DMRTA1: variants seen among roughly 807,000 people sequenced by gnomAD.
The protein encoded by DMRTA1 is doublesex- and mab-3-related transcription factor A1.
Under a neutral mutation model 35.2 loss-of-function variants are expected in DMRTA1, and 34 were observed. The observed-to-expected ratio is 0.97, with a 90% CI of 0.74 to 1.29. DMRTA1 has a LOEUF of 1.29. Among genes scored for constraint, DMRTA1 ranks in the 50% most tolerant of loss-of-function variants. DMRTA1 has a pLI of 0.00. For synonymous variants in DMRTA1, 344 were observed against 276.6 expected (o/e 1.24, Z -2.42); for missense variants, 824 against 644.6 (o/e 1.28, Z -3.01).
Position 22,447,242 on chromosome 9 carries a change from C to G in DMRTA1, c.177C>G (p.Ala59=), listed in dbSNP as rs763183946. The G allele has an allele frequency of 2.7e-6, 4 of 1,508,116 alleles. No homozygotes were observed. Among genetic ancestry groups the G allele is most frequent in the Non-Finnish European group, 2.6e-6 (3 of 1,136,064 alleles). 93.4% of individuals were successfully genotyped at this position (1,508,116 alleles called of 1,614,324 possible). ...RPPSLFLRAA[A]AAAAAAAATS... ...CCAGCCTCTTTCTGCGAGCAGCGGCCGCGGCCGCCGCCGCCGCTGCCGCCA... is the reference window on the plus strand; with the variant it reads ...CCAGCCTCTTTCTGCGAGCAGCGGCGGCGGCCGCCGCCGCCGCTGCCGCCA... The change falls in exon 1 of 2, where the codon GCC becomes GCG. Residue 59 remains alanine, a synonymous_variant. Coordinates refer to ENST00000325870, the MANE Select transcript of DMRTA1 (RefSeq NM_022160.3).
chr9:22,446,914 C>G lies in DMRTA1; in HGVS notation c.-152C>G. 1.0e-6 allele frequency: 1 copy of G among 975,350 alleles called. No homozygotes were observed. The highest frequency in any genetic ancestry group is 1.5e-6 in the Non-Finnish European group (1 of 677,344). 60.4% of individuals were successfully genotyped at this position (975,350 alleles called of 1,614,324 possible). A position where few individuals can be genotyped will look rare whatever the true frequency, so the allele number is the denominator to read the frequency against. On this transcript the variant is annotated 5_prime_UTR_variant, in exon 1 of 2. Transcript: ENST00000325870. ...AGGACGCGGTCGTCCCAACTCCTTC[C>G]GAGTGGAAAGAGTGTAAAACTTTTG...
At chr9:22,447,804 C>A in intron 1 of DMRTA1, 72 bp downstream of exon 1, 2 of 1,572,986 alleles carry the variant, frequency 1.3e-6, no homozygotes, top group South Asian at 1.1e-5. Context: ...AACAAGCCAC[C>A]GTGTCCATAG....
rs1818842007 is a variant in DMRTA1, at chr9:22,447,141, G to T, written c.76G>T (p.Ala26Ser). The T allele has an allele frequency of 6.2e-7, 1 of 1,603,796 alleles. No individual in the cohort carries two copies. Among genetic ancestry groups the T allele is most frequent in the South Asian group, 1.1e-5 (1 of 90,448 alleles). The part of the protein sequence containing the change: ...RPHLAPGLVV[A>S]APPPPSPALP... Reference sequence around the variant, plus strand: ...TCACTTGGCCCCTGGGCTAGTGGTGGCTGCCCCTCCGCCCCCGTCCCCGGC... The same window carrying T: ...TCACTTGGCCCCTGGGCTAGTGGTGTCTGCCCCTCCGCCCCCGTCCCCGGC... The change falls in exon 1 of 2, where the codon GCT becomes TCT. Residue 26 changes from alanine to serine, a missense_variant. By Grantham distance (99) the Ala-to-Ser change is moderately conservative. Coordinates refer to ENST00000325870, the MANE Select transcript of DMRTA1 (RefSeq NM_022160.3).
In DMRTA1 at chr9:22,452,018, G is replaced by T; in HGVS notation, c.*107G>T. The T allele has an allele frequency of 2.5e-6, 3 of 1,204,012 alleles. No individual in the cohort carries two copies. The highest frequency in any genetic ancestry group is 3.3e-6 in the Non-Finnish European group (3 of 911,948). The allele number at this position is 1,204,012 out of a possible 1,614,324, so 74.6% of individuals were successfully genotyped here. A position where few individuals can be genotyped will look rare whatever the true frequency, so the allele number is the denominator to read the frequency against. ...ATATACTTCAGTAAGTATGTGAGTGGATTATGAGGTCTTAAAATGCTGGGT... is the reference window on the plus strand; with the variant it reads ...ATATACTTCAGTAAGTATGTGAGTGTATTATGAGGTCTTAAAATGCTGGGT... On this transcript the variant is annotated 3_prime_UTR_variant, in exon 2 of 2. Transcript: ENST00000325870.
In DMRTA1 at chr9:22,446,997, C is replaced by A; in HGVS notation, c.-69C>A. The A allele has an allele frequency of 6.5e-7, 1 of 1,547,368 alleles. No individual in the cohort carries two copies. The highest frequency in any genetic ancestry group is 1.9e-5 in the Admixed American group (1 of 52,030). ...GCGCGTCCTGCCCCGGCTTCCCCAG[C>A]CTCCCAGCAGGGTTAGCTGCGGTCA... is the stretch of plus-strand genomic sequence containing the variant. On this transcript the variant is annotated 5_prime_UTR_variant, in exon 1 of 2. Coordinates refer to ENST00000325870, the MANE Select transcript of DMRTA1 (RefSeq NM_022160.3).
Position 22,455,036 on chromosome 9 carries a change from A to G in DMRTA1, c.*3125A>G, listed in dbSNP as rs1209222025. On this transcript the variant is annotated 3_prime_UTR_variant, in exon 2 of 2. Transcript: ENST00000325870. ...AAATTAAAACACCCTACCATTATTTATCAATAAAACACAGTGCAGTTTTGC... is the reference window on the plus strand; with the variant it reads ...AAATTAAAACACCCTACCATTATTTGTCAATAAAACACAGTGCAGTTTTGC... 4.6e-5 allele frequency: 7 copies of G among 152,210 alleles called. No individual in the cohort carries two copies. The highest frequency in any genetic ancestry group is 1.7e-4 in the African/African-American group (7 of 41,460). The allele number at this position is 152,210 out of a possible 1,614,324, so 9.4% of individuals were successfully genotyped here. A position where few individuals can be genotyped will look rare whatever the true frequency, so the allele number is the denominator to read the frequency against.
Position 22,452,919 on chromosome 9 carries a change from G to A in DMRTA1, c.*1008G>A, listed in dbSNP as rs553922706. On this transcript the variant is annotated 3_prime_UTR_variant, in exon 2 of 2. Transcript: ENST00000325870. The stretch of plus-strand genomic sequence containing the variant: ...AATAAATATTTATTAACTGCAGATA[G>A]TTGATGCTTAATGCACTGAGGAGAG... 9 of 152,230 alleles carry A rather than the reference G, an allele frequency of 5.9e-5. No homozygotes were observed. In the South Asian group the frequency reaches 1.9e-3, roughly 32 times the overall value. 9.4% of individuals were successfully genotyped at this position (152,230 alleles called of 1,614,324 possible). A position where few individuals can be genotyped will look rare whatever the true frequency, so the allele number is the denominator to read the frequency against.
At chr9:22,449,346 A>G (rs1818888990) in intron 1 of DMRTA1, among the ~76,000 whole-genome samples, 1 of 152,242 alleles carries the variant, frequency 6.6e-6, no homozygotes, top group Non-Finnish European at 1.5e-5. Flanking sequence ...TGCAAGGCTT[A>G]ATATACAATG....
chr9:22,451,035 T>C, intron 1 of DMRTA1, 29 bp from the exon 2 acceptor site: 1 of 1,587,824 alleles, frequency 6.3e-7, no homozygotes, highest in Non-Finnish European at 8.6e-7. Context: ...CTTCCCTGTA[T>C]TTGATTTTTT....
rs200626982 is a variant in DMRTA1, at chr9:22,452,086, C to A, written c.*175C>A. 5 of 485,042 alleles carry A rather than the reference C, an allele frequency of 1.0e-5. No individual in the cohort carries two copies. The highest frequency in any genetic ancestry group is 1.7e-5 in the Non-Finnish European group (5 of 302,644). 30.0% of individuals were successfully genotyped at this position (485,042 alleles called of 1,614,324 possible). A position where few individuals can be genotyped will look rare whatever the true frequency, so the allele number is the denominator to read the frequency against. ...ATATAATAGGTCTTAGATCTGAAAA[C>A]TCTTCATTAGGATTTATCAAGTGAA... is the stretch of plus-strand genomic sequence containing the variant. On this transcript the variant is annotated 3_prime_UTR_variant, in exon 2 of 2. Coordinates refer to ENST00000325870, the MANE Select transcript of DMRTA1 (RefSeq NM_022160.3).
At position 22,452,102 on chromosome 9, in the gene DMRTA1, A is replaced by T. The variant is rs757793240; in HGVS notation, c.*191A>T. On this transcript the variant is annotated 3_prime_UTR_variant, in exon 2 of 2. Transcript: ENST00000325870. ...ATCTGAAAACTCTTCATTAGGATTT[A>T]TCAAGTGAAAGAAGTAAATCTGAAC... 1 of 554,434 alleles carries T rather than the reference A, an allele frequency of 1.8e-6. No homozygotes were observed. The highest frequency in any genetic ancestry group is 2.9e-6 in the Non-Finnish European group (1 of 338,984). 34.3% of individuals were successfully genotyped at this position (554,434 alleles called of 1,614,324 possible).
rs755586405 is a variant in DMRTA1, at chr9:22,447,292, C to T, written c.227C>T (p.Pro76Leu). 2.7e-6 allele frequency: 4 copies of T among 1,505,860 alleles called. No homozygotes were observed. The East Asian group carries it at 1.1e-4, about 41-fold the overall frequency. The allele number at this position is 1,505,860 out of a possible 1,614,324, so 93.3% of individuals were successfully genotyped here. ...ACCTCGGGAAGCGGAGGCTGCCCGCCGGCTCCCGGGCTGGAGAGCGGGGTA... is the reference window on the plus strand; with the variant it reads ...ACCTCGGGAAGCGGAGGCTGCCCGCTGGCTCCCGGGCTGGAGAGCGGGGTA... ...AATSGSGGCPPAPGLESGVGA... is the reference protein window; with the variant it reads ...AATSGSGGCPLAPGLESGVGA... Residue 76 changes from proline (P) to leucine (L), a missense_variant, in exon 1 of 2, where the codon CCG (proline) becomes CTG (leucine). Transcript: ENST00000325870.
Position 22,451,796 on chromosome 9 carries a change from G to A in DMRTA1, c.1400G>A (p.Arg467Gln), listed in dbSNP as rs148090498. 58 of 1,613,846 alleles carry A rather than the reference G, an allele frequency of 3.6e-5. No individual in the cohort carries two copies. In the East Asian group the frequency reaches 6.2e-4, roughly 17 times the overall value. ...TPGLVPTLPFRPALDYAFSGM... is the reference protein window; with the variant it reads ...TPGLVPTLPFQPALDYAFSGM... Reference sequence around the variant, plus strand: ...GGGTTAGTACCAACCTTACCTTTTCGGCCAGCTTTGGATTATGCCTTTTCA... The same window carrying A: ...GGGTTAGTACCAACCTTACCTTTTCAGCCAGCTTTGGATTATGCCTTTTCA... Residue 467 changes from arginine (R) to glutamine (Q), a missense_variant, in exon 2 of 2, where the codon CGG becomes CAG. By Grantham distance (43) the Arg-to-Gln change is conservative. Transcript: ENST00000325870.
At chr9:22,449,097 C>A (rs1818884695) in intron 1 of DMRTA1, among the ~76,000 whole-genome samples, 1 of 152,102 alleles carries the variant, frequency 6.6e-6, no homozygotes, top group African/African-American at 2.4e-5. Flanking sequence ...TTGTTCTTTG[C>A]CTCAGATGAT....
chr9:22,448,743 CT>C lies in DMRTA1; in HGVS notation c.667+1012del, dbSNP rs564825248. ...TTGCAGATCTCAACAGATTTTTTCGCTCAATGGCTGCTTGAAGTTCTACTCA... is the reference window on the plus strand; with the variant it reads ...TTGCAGATCTCAACAGATTTTTTCGCCAATGGCTGCTTGAAGTTCTACTCA... On this transcript the variant is annotated intron_variant, in intron 1 of 1. Coordinates refer to ENST00000325870, the MANE Select transcript of DMRTA1 (RefSeq NM_022160.3). Among the ~76,000 whole-genome samples, 429 of 152,266 alleles carry C rather than the reference CT, an allele frequency of 2.8e-3. 2 individuals are homozygous for C. Among genetic ancestry groups the C allele is most frequent in the African/African-American group, 9.8e-3 (409 of 41,562 alleles).
In DMRTA1 at chr9:22,447,361, G is replaced by A. The variant is rs865992039; in HGVS notation, c.296G>A (p.Arg99His). 3 of 1,537,682 alleles carry A rather than the reference G, an allele frequency of 2.0e-6. No homozygotes were observed. The highest frequency in any genetic ancestry group is 1.2e-5 in the South Asian group (1 of 83,186). The stretch of plus-strand genomic sequence containing the variant: ...TACCCGCGGACGCCCAAGTGCGCCC[G>A]CTGTCGTAACCATGGTGTGGTGTCA... ...CGYPRTPKCA[R>H]CRNHGVVSAL... The change falls in exon 1 of 2, where the codon CGC becomes CAC. Residue 99 changes from arginine (R) to histidine (H), a missense_variant. Coordinates refer to ENST00000325870, the MANE Select transcript of DMRTA1 (RefSeq NM_022160.3).
rs1355186885 is a variant in DMRTA1 at position 22,454,146 on chromosome 9, ACTCAG to A, written c.*2236_*2240del. ...TATCAAATAGGTCATTTGTCTAACAACTCAGTAGTATATGAGGAAATTGGGGCTCA... is the reference window on the plus strand; with the variant it reads ...TATCAAATAGGTCATTTGTCTAACAATAGTATATGAGGAAATTGGGGCTCA... On this transcript the variant is annotated 3_prime_UTR_variant, in exon 2 of 2. Transcript: ENST00000325870. 4 of 152,030 alleles carry A rather than the reference ACTCAG, an allele frequency of 2.6e-5. No homozygotes were observed. Among genetic ancestry groups the A allele is most frequent in the African/African-American group, 9.7e-5 (4 of 41,416 alleles). 9.4% of individuals were successfully genotyped at this position (152,030 alleles called of 1,614,324 possible).
At position 22,454,667 on chromosome 9, in the gene DMRTA1, G is replaced by A. The variant is rs919931485; in HGVS notation, c.*2756G>A. ...CACTAATTAGTGGTGGGAAGAAAGA[G>A]GGGGTAAATGCTTTAAGAGCTAGCA... On this transcript the variant is annotated 3_prime_UTR_variant, in exon 2 of 2. Transcript: ENST00000325870. The A allele has an allele frequency of 6.6e-6, 1 of 152,174 alleles. No individual in the cohort carries two copies. The highest frequency in any genetic ancestry group is 2.4e-5 in the African/African-American group (1 of 41,448). 9.4% of individuals were successfully genotyped at this position (152,174 alleles called of 1,614,324 possible).
Position 22,447,569 on chromosome 9 carries a change from CG to C in DMRTA1, c.506del (p.Gly169ValfsTer31). On this transcript the variant is annotated frameshift_variant, in exon 1 of 2. Coordinates refer to ENST00000325870, the MANE Select transcript of DMRTA1 (RefSeq NM_022160.3). LOFTEE classifies it high-confidence loss of function. ...TGTGCTCGGGGCTCTCCTGGCCCCC[CG>C]GTGGTCGGGCATCCGGGGGCGGCGG... ...LLCSGLSWPPGGRASGGGGRA... is the reference protein window; with the variant it reads ...LLCSGLSWPPXGRASGGGGRA... 1 of 1,597,680 alleles carries C rather than the reference CG, an allele frequency of 6.3e-7. No homozygotes were observed. The highest frequency in any genetic ancestry group is 1.1e-5 in the South Asian group (1 of 89,580).
Sources: allele counts gnomAD v4.1 joint callset (sites outside exome capture counted in the v4.1 genomes callset), GRCh38; gene constraint gnomAD v4.1.1; transcripts MANE v1.5; gene names NCBI Gene and HGNC (gene_info 2026-07-23, HGNC 2026-07-21).